The following XKR6 variants were observed in gnomAD, a reference collection of about 807,000 sequenced individuals.
XKR6 encodes the protein XK related 6.
A neutral mutation model predicts 56.7 loss-of-function variants in XKR6; 22 were observed. The ratio of observed to expected loss-of-function variants is 0.39; its 90% CI spans 0.28 to 0.55. The LOEUF is 0.55. Ranked by LOEUF, XKR6 falls within the 20% of genes least tolerant of loss-of-function variation. XKR6 has a pLI of 0.66. For missense variants in XKR6, 852 were observed against 889.0 expected, an observed-to-expected ratio of 0.96 and a Z score of 0.53; for synonymous variants, 524 against 387.8, an observed-to-expected ratio of 1.35 and a Z score of -4.13.
intron 1 of XKR6, among the ~76,000 whole-genome samples, chr8:11,067,954 A>G (rs10093125): frequency 0.27 from 41,346 of 152,224 alleles, 5,822 homozygotes; most frequent in Middle Eastern, 0.36. Flanking sequence ...ATCGGTCTGC[A>G]TAGTGAGTGA....
intron 1 of XKR6, among the ~76,000 whole-genome samples, chr8:11,069,734 T>G (rs1800070279): frequency 6.6e-6 from 1 of 152,064 alleles, no homozygotes; most frequent in African/African-American, 2.4e-5. Flanking sequence ...CAGTAAAGAT[T>G]TCTTTACTGC....
At position 11,097,472 on chromosome 8, in the gene XKR6, C is replaced by CT. The variant is rs564669267; in HGVS notation, c.764+103103dup. 5.4e-3 allele frequency among the ~76,000 whole-genome samples: 639 copies of CT among 118,382 alleles called. 6 individuals carry two copies. The highest frequency in any genetic ancestry group is 9.6e-3 in the East Asian group (46 of 4,816). 77.7% of individuals were successfully genotyped at this position (118,382 alleles called of 152,430 possible). A position where few individuals can be genotyped will look rare whatever the true frequency, so the allele number is the denominator to read the frequency against. ...TGCTGAACACACAGGGCAATATTTTCTTTTTTTTTTTAAAAAAAAAAAGGC... is the reference window on the plus strand; with the variant it reads ...TGCTGAACACACAGGGCAATATTTTCTTTTTTTTTTTTAAAAAAAAAAAGGC... On this transcript the variant is annotated intron_variant, in intron 1 of 2. Coordinates refer to ENST00000416569, the MANE Select transcript of XKR6 (RefSeq NM_173683.4).
intron 1 of XKR6, among the ~76,000 whole-genome samples, chr8:11,098,091 G>C (rs191473509): frequency 3.4e-4 from 52 of 152,260 alleles, no homozygotes; most frequent in Non-Finnish European, 4.6e-4. Flanking sequence ...AGGCTCTGCA[G>C]TTTACAGACC....
chr8:10,965,398 C>G (rs1170645969), intron 1 of XKR6, among the ~76,000 whole-genome samples: 10 of 152,252 alleles, frequency 6.6e-5, no homozygotes, highest in Admixed American at 6.5e-4. Flanking sequence ...CTTTCCCACT[C>G]AAGACACAGC....
intron 1 of XKR6, among the ~76,000 whole-genome samples, chr8:11,183,602 T>A (rs1442374477): frequency 6.6e-6 from 1 of 152,124 alleles, no homozygotes; most frequent in Non-Finnish European, 1.5e-5. Context: ...GGATTACAGG[T>A]ATGAGCCAGC....
Position 10,917,081 on chromosome 8 carries a change from T to C in XKR6, c.961+7553A>G, listed in dbSNP as rs937610847. On this transcript the variant is annotated intron_variant, in intron 2 of 2. Coordinates refer to ENST00000416569, the MANE Select transcript of XKR6 (RefSeq NM_173683.4). ...TGTCTTAGCAAAGATGCTTTTTTTT[T>C]TTTTGGCACAAATTTGGTGCTGGTA... Among the ~76,000 whole-genome samples the C allele has an allele frequency of 2.6e-5, 4 of 152,126 alleles. 1 individual carries two copies. Among genetic ancestry groups the C allele is most frequent in the Admixed American group, 2.6e-4 (4 of 15,288 alleles).
chr8:10,959,377 T>G (rs1801994260), intron 1 of XKR6, among the ~76,000 whole-genome samples: 1 of 152,126 alleles, frequency 6.6e-6, no homozygotes, highest in South Asian at 2.1e-4. Flanking sequence ...GAGACTGGTT[T>G]TGGCCAGTAT....
At chr8:11,064,113 C>A (rs776894520) in intron 1 of XKR6, among the ~76,000 whole-genome samples, 4 of 152,114 alleles carry the variant, frequency 2.6e-5, no homozygotes, top group African/African-American at 9.7e-5. Flanking sequence ...TGCTTTCCTG[C>A]GTCCTACAGT....
intron 1 of XKR6, chr8:11,002,460 G>C (rs1053289782): frequency 2.5e-6 from 1 of 402,230 alleles, no homozygotes; most frequent in Non-Finnish European, 5.2e-6. Context: ...TTCATCTCCA[G>C]GAGAAGGCAG....
intron 2 of XKR6, among the ~76,000 whole-genome samples, chr8:10,902,394 G>A (rs1236953611): frequency 6.6e-6 from 1 of 152,204 alleles, no homozygotes; most frequent in South Asian, 2.1e-4. Context: ...AGGAAGCAGA[G>A]GTGCAGGGGC....
At chr8:11,147,137 A>T (rs780675803) in intron 1 of XKR6, among the ~76,000 whole-genome samples, 14 of 152,116 alleles carry the variant, frequency 9.2e-5, no homozygotes, top group Non-Finnish European at 1.9e-4. Flanking sequence ...GTGAAAGGAA[A>T]CTTGGGGTGG....
intron 1 of XKR6, among the ~76,000 whole-genome samples, chr8:10,933,496 G>A (rs2129121024): frequency 7.7e-6 from 1 of 129,358 alleles, no homozygotes; most frequent in East Asian, 1.9e-4. Context: ...GAGTGGTAAT[G>A]CCTAGGTTTT....
intron 1 of XKR6, among the ~76,000 whole-genome samples, chr8:11,015,291 T>A (rs1798593266): frequency 6.6e-6 from 1 of 152,220 alleles, no homozygotes; most frequent in African/African-American, 2.4e-5. Flanking sequence ...CTTTTATTTT[T>A]ACTCTTCTGA....
chr8:10,898,149 G>T lies in XKR6; in HGVS notation c.1729C>A (p.Pro577Thr), dbSNP rs1338445854. 1.2e-6 allele frequency: 2 copies of T among 1,614,066 alleles called. No homozygotes were observed. Among genetic ancestry groups the T allele is most frequent in the Non-Finnish European group, 1.7e-6 (2 of 1,179,944 alleles). ...ATGAGGGGCCCTTCTGGGAGGTAAG[G>T]ACGCCCCAACGGGGTAGGGGGCCCC... ...PMGPPTPLGRPYLPEGPLIKI... is the reference protein window; with the variant it reads ...PMGPPTPLGRTYLPEGPLIKI... Residue 577 changes from proline (P) to threonine (T), a missense_variant, in exon 3 of 3, where the codon CCT (proline) becomes ACT (threonine). Pro to Thr is a conservative substitution (Grantham distance 38). This residue lies in a region of XKR6 where 197 missense variants were observed against 190.9 expected (regional missense o/e 1.03). Coordinates refer to ENST00000416569, the MANE Select transcript of XKR6 (RefSeq NM_173683.4). The surrounding 1 kb of genome is among the most constrained non-coding windows in gnomAD (Gnocchi z 6.6).
chr8:11,065,044 G>C (rs1265809192), intron 1 of XKR6, among the ~76,000 whole-genome samples: 1 of 152,122 alleles, frequency 6.6e-6, no homozygotes, highest in African/African-American at 2.4e-5. Flanking sequence ...ATATGACACA[G>C]CATAAAATTT....
Position 11,200,598 on chromosome 8 carries a change from G to C in XKR6, c.742C>G (p.Leu248Val), listed in dbSNP as rs755871497. ...VWIWQSVIHL[L>V]QMGQVWRYIR... ...TACCTCCACACCTGCCCCATCTGCA[G>C]CAGGTGGATGACCGACTGCCAGATC... The change falls in exon 1 of 3, where the codon CTG becomes GTG. Residue 248 changes from leucine to valine, a missense_variant. Transcript: ENST00000416569. This position sits in a 1 kb window ranked among gnomAD's most constrained non-coding sequence, Gnocchi z 6.4. 1 of 1,530,294 alleles carries C rather than the reference G, an allele frequency of 6.5e-7. No homozygotes were observed. Among genetic ancestry groups the C allele is most frequent in the South Asian group, 1.3e-5 (1 of 78,446 alleles). 94.8% of individuals were successfully genotyped at this position (1,530,294 alleles called of 1,614,324 possible). A position where few individuals can be genotyped will look rare whatever the true frequency, so the allele number is the denominator to read the frequency against.
At chr8:10,991,471 C>A (rs1586401625) in intron 1 of XKR6, among the ~76,000 whole-genome samples, 1 of 152,268 alleles carries the variant, frequency 6.6e-6, no homozygotes, top group East Asian at 1.9e-4. Context: ...GAAATAGGTT[C>A]TATTTCAAGA....
intron 1 of XKR6, among the ~76,000 whole-genome samples, chr8:11,083,614 A>G (rs1797797506): frequency 6.6e-6 from 1 of 152,178 alleles, no homozygotes; most frequent in African/African-American, 2.4e-5. Flanking sequence ...CAATGAGGAG[A>G]GAGGACAGGA....
chr8:11,016,608 G>A (rs971938838), intron 1 of XKR6, among the ~76,000 whole-genome samples: 1 of 152,184 alleles, frequency 6.6e-6, no homozygotes, highest in Non-Finnish European at 1.5e-5. Flanking sequence ...CTGCAGCGCG[G>A]GCCCTCGGTA....
Sources: allele counts gnomAD v4.1 joint callset (sites outside exome capture counted in the v4.1 genomes callset), GRCh38; gene constraint gnomAD v4.1.1; regional missense constraint gnomAD v4.1.1; non-coding constraint Gnocchi (gnomAD v3.1); transcripts MANE v1.5; gene names NCBI Gene and HGNC (gene_info 2026-07-23, HGNC 2026-07-21).